Variants in FRMD3 observed in about 807,000 individuals in gnomAD.
The protein encoded by FRMD3 is FERM domain containing 3.
Under a neutral mutation model 70.2 loss-of-function variants are expected in FRMD3, and 33 were observed. The observed-to-expected ratio is 0.47, with a 90% CI of 0.36 to 0.63. The LOEUF is 0.63. FRMD3 is among the 20% of genes least tolerant of loss of function. The pLI is 0.00. For synonymous variants in FRMD3, 279 were observed against 255.9 expected (o/e 1.09, Z -0.86); for missense variants, 632 against 711.4 (o/e 0.89, Z 1.27).
chr9:83,389,403 A>G (rs1239425251), intron 2 of FRMD3, among the ~76,000 whole-genome samples: 1 of 152,148 alleles, frequency 6.6e-6, no homozygotes, highest in African/African-American at 2.4e-5. Context: ...CCTTCTGGAA[A>G]GGCCTAGGGT....
chr9:83,575,065 C>A, the FRMD3 span, among the ~76,000 whole-genome samples: 1 of 152,164 alleles, frequency 6.6e-6, no homozygotes, highest in Non-Finnish European at 1.5e-5. Context: ...CCTGAAAACA[C>A]AGAATGCAGC....
At chr9:83,284,932 A>G (rs1834125560) in intron 13 of FRMD3, among the ~76,000 whole-genome samples, 1 of 150,386 alleles carries the variant, frequency 6.6e-6, no homozygotes, top group South Asian at 2.2e-4. Flanking sequence ...GCAACTGTGT[A>G]GTGCATGAAA....
At chr9:83,584,361 T>TCTCCTCCTC in the FRMD3 span, among the ~76,000 whole-genome samples, 1 of 151,544 alleles carries the variant, frequency 6.6e-6, no homozygotes, top group Non-Finnish European at 1.5e-5. Context: ...CCCCCGATTA[T>TCTCCTCCTC]CTCCTCCTCC....
chr9:83,562,584 A>C, the FRMD3 span, among the ~76,000 whole-genome samples: 4 of 152,204 alleles, frequency 2.6e-5, no homozygotes, highest in African/African-American at 9.6e-5. Flanking sequence ...CCTGGGACTT[A>C]GTTCTGTTCT....
At chr9:83,268,677 G>GT (rs1306610338) in intron 13 of FRMD3, among the ~76,000 whole-genome samples, 1 of 152,188 alleles carries the variant, frequency 6.6e-6, no homozygotes, top group African/African-American at 2.4e-5. Context: ...CAGGATAAAT[G>GT]TAAGACCAGA....
At chr9:83,268,391 A>G (rs2118777033) in intron 13 of FRMD3, among the ~76,000 whole-genome samples, 1 of 152,360 alleles carries the variant, frequency 6.6e-6, no homozygotes, top group Middle Eastern at 3.4e-3. Context: ...TTCCACTTTT[A>G]AGAATTAACC....
chr9:83,407,741 T>C (rs910003372), intron 1 of FRMD3, among the ~76,000 whole-genome samples: 1 of 152,176 alleles, frequency 6.6e-6, no homozygotes, highest in Non-Finnish European at 1.5e-5. Flanking sequence ...GGTTCCTCTA[T>C]ATTACTGGAG....
At position 83,244,630 on chromosome 9, in the gene FRMD3, C is replaced by CAGAGT; in HGVS notation, c.*3283_*3287dup. 1 of 982,598 alleles carries CAGAGT rather than the reference C, an allele frequency of 1.0e-6. No individual in the cohort carries two copies. The highest frequency in any genetic ancestry group is 1.2e-6 in the Non-Finnish European group (1 of 827,492). 60.9% of individuals were successfully genotyped at this position (982,598 alleles called of 1,614,324 possible). ...TGAATGATTGCAAAAAATTTTACCC[C>CAGAGT]AGAGTATTTTTATTAGGGATTCCTG... On this transcript the variant is annotated 3_prime_UTR_variant, in exon 14 of 14. Transcript: ENST00000304195.
chr9:83,322,933 T>C (rs1019308174), intron 6 of FRMD3, among the ~76,000 whole-genome samples: 2 of 152,218 alleles, frequency 1.3e-5, no homozygotes, highest in African/African-American at 2.4e-5. Context: ...TACTCCTATA[T>C]CTAGTCAGCT....
chr9:83,536,236 GT>G (rs1239481340), intron 1 of FRMD3, among the ~76,000 whole-genome samples: 1 of 152,166 alleles, frequency 6.6e-6, no homozygotes, highest in Non-Finnish European at 1.5e-5. Context: ...AAGCACTGGA[GT>G]TTTTCAAACT....
chr9:83,344,432 G>A (rs1823881790), intron 4 of FRMD3, among the ~76,000 whole-genome samples: 1 of 152,286 alleles, frequency 6.6e-6, no homozygotes, highest in East Asian at 1.9e-4. Flanking sequence ...TTCTGGACGA[G>A]GGTGATTCTG....
At chr9:83,308,161 T>C (rs1418680271) in intron 10 of FRMD3, among the ~76,000 whole-genome samples, 2 of 152,132 alleles carry the variant, frequency 1.3e-5, no homozygotes, top group African/African-American at 2.4e-5. Context: ...TCCTGGGACA[T>C]GGGGATGTCA....
At chr9:83,318,856 T>C (rs1444691289) in intron 6 of FRMD3, among the ~76,000 whole-genome samples, 3 of 152,214 alleles carry the variant, frequency 2.0e-5, no homozygotes, top group East Asian at 3.8e-4. Flanking sequence ...TGGTGTAAGA[T>C]GGTCTCTCAT....
At chr9:83,531,436 CA>C (rs1829789570) in intron 1 of FRMD3, among the ~76,000 whole-genome samples, 1 of 152,178 alleles carries the variant, frequency 6.6e-6, no homozygotes, top group African/African-American at 2.4e-5. Context: ...AATAACATTA[CA>C]TTTTTTTAGG....
At chr9:83,577,565 T>C in the FRMD3 span, among the ~76,000 whole-genome samples, 1 of 152,014 alleles carries the variant, frequency 6.6e-6, no homozygotes, top group Non-Finnish European at 1.5e-5. Flanking sequence ...AAGTGGATCA[T>C]AGACCTAAAT....
chr9:83,389,345 G>A (rs897113800), intron 2 of FRMD3, among the ~76,000 whole-genome samples: 1 of 152,098 alleles, frequency 6.6e-6, no homozygotes, highest in Non-Finnish European at 1.5e-5. Flanking sequence ...GGAAACCCTG[G>A]GTTCAAAGGG....
chr9:83,442,979 A>C (rs1054949335), intron 1 of FRMD3, among the ~76,000 whole-genome samples: 2 of 152,176 alleles, frequency 1.3e-5, no homozygotes, highest in African/African-American at 4.8e-5. Context: ...TAATCTATGG[A>C]GATATGAATG....
At chr9:83,534,089 A>G (rs1345998497) in intron 1 of FRMD3, among the ~76,000 whole-genome samples, 1 of 152,220 alleles carries the variant, frequency 6.6e-6, no homozygotes, top group African/African-American at 2.4e-5. Context: ...CCTCCTACAA[A>G]ATCCAGACTT....
At chr9:83,325,411 C>T (rs1480256646) in intron 6 of FRMD3, among the ~76,000 whole-genome samples, 4 of 152,144 alleles carry the variant, frequency 2.6e-5, no homozygotes, top group African/African-American at 9.7e-5. Context: ...ACTGCAGCCT[C>T]GACCTCCCAG....
Sources: gnomAD v4.1 joint callset for allele counts (sites outside exome capture counted in the v4.1 genomes callset) on GRCh38, gnomAD v4.1.1 for gene constraint, MANE v1.5 for transcripts, NCBI Gene and HGNC (gene_info 2026-07-23, HGNC 2026-07-21) for gene names.